Variants in WWC2 observed in about 807,000 individuals in gnomAD.
WWC2 encodes the protein WW and C2 domain containing 2, also known as protein WWC2.
A neutral mutation model predicts 138.5 loss-of-function variants in WWC2; 101 were observed. The ratio of observed to expected loss-of-function variants is 0.73; its 90% CI spans 0.62 to 0.86. The LOEUF is 0.86. Ranked by LOEUF, WWC2 falls within the 40% of genes least tolerant of loss-of-function variation. The pLI, the probability that WWC2 is intolerant of heterozygous loss-of-function variation, is 0.00. For missense variants in WWC2, 1,420 were observed against 1,419.4 expected (o/e 1.00, Z -0.01); for synonymous variants, 558 against 538.4 (o/e 1.04, Z -0.50).
At chr4:183,267,033 CT>C (rs879666630) in intron 14 of WWC2, among the ~76,000 whole-genome samples, 651 of 141,782 alleles carry the variant, frequency 4.6e-3, no homozygotes, top group African/African-American at 5.1e-3. Flanking sequence ...TAGTGGCTTT[CT>C]TTTTTTTTTT....
chr4:183,224,101 T>G (rs1050440052), intron 4 of WWC2, among the ~76,000 whole-genome samples: 7 of 152,222 alleles, frequency 4.6e-5, no homozygotes, highest in Admixed American at 1.3e-4. Context: ...AGGTCATTTG[T>G]AGAATTCCTC....
intron 15 of WWC2, among the ~76,000 whole-genome samples, chr4:183,270,288 G>C (rs946620032): frequency 2.0e-5 from 3 of 152,212 alleles, no homozygotes; most frequent in African/African-American, 7.2e-5. Flanking sequence ...TTGTCTATGT[G>C]TGATTTGGTG....
intron 4 of WWC2, among the ~76,000 whole-genome samples, chr4:183,215,013 G>A (rs1735716258): frequency 6.6e-6 from 1 of 152,170 alleles, no homozygotes; most frequent in Admixed American, 6.5e-5. Context: ...AAATGAATTT[G>A]TATTGTACAG....
chr4:183,293,172 C>T (rs1376933457), intron 21 of WWC2, among the ~76,000 whole-genome samples: 1 of 152,114 alleles, frequency 6.6e-6, no homozygotes, highest in Non-Finnish European at 1.5e-5. Context: ...CCAGACTGGT[C>T]TCAAACTCCT....
At chr4:183,171,139 A>G (rs1315376980) in intron 1 of WWC2, among the ~76,000 whole-genome samples, 4 of 152,202 alleles carry the variant, frequency 2.6e-5, no homozygotes, top group Non-Finnish European at 5.9e-5. Flanking sequence ...GCCTTAGATT[A>G]TAAACATTTC....
intron 1 of WWC2, among the ~76,000 whole-genome samples, chr4:183,105,365 C>T (rs377478732): frequency 5.2e-4 from 79 of 152,262 alleles, no homozygotes; most frequent in African/African-American, 1.8e-3. Context: ...CCCTGCATTG[C>T]CTTGTAAATG....
rs879882067 is a variant in WWC2, at chr4:183,213,677, G to A, written c.522+4652G>A. ...GTCAAATGGGATAACAGTACTTCCC[G>A]ATACCTTATTTTTATTTGTCAAAAT... On this transcript the variant is annotated intron_variant, in intron 4 of 22. Transcript: ENST00000403733. Among the ~76,000 whole-genome samples the A allele has an allele frequency of 1.6e-4, 25 of 152,184 alleles. No homozygotes were observed. In the Middle Eastern group the frequency reaches 0.01, roughly 62 times the overall value.
At chr4:183,253,678 C>A in intron 8 of WWC2, 79 bp from the exon 9 acceptor site, 1 of 1,531,586 alleles carries the variant, frequency 6.5e-7, no homozygotes. Context: ...CATGTCAACA[C>A]CAAATTTGGC....
chr4:183,269,165 T>C lies in WWC2; in HGVS notation c.2400+2T>C. ...AAACACCGAAGGGAAGAATGCCTGGTAGGATTCTTCATAATTCCCATTACC... is the reference window on the plus strand; with the variant it reads ...AAACACCGAAGGGAAGAATGCCTGGCAGGATTCTTCATAATTCCCATTACC... On this transcript the variant is annotated splice_donor_variant, in intron 15 of 22. Coordinates refer to ENST00000403733, the MANE Select transcript of WWC2 (RefSeq NM_024949.6). LOFTEE classifies it high-confidence loss of function. The C allele has an allele frequency of 6.2e-7, 1 of 1,603,568 alleles. No homozygotes were observed. The highest frequency in any genetic ancestry group is 8.5e-7 in the Non-Finnish European group (1 of 1,176,672).
intron 5 of WWC2, among the ~76,000 whole-genome samples, chr4:183,242,939 A>G (rs1736665976): frequency 1.3e-5 from 2 of 152,308 alleles, no homozygotes; most frequent in South Asian, 4.1e-4. Flanking sequence ...AAACAGTGAA[A>G]TAAAGGAAAA....
chr4:183,275,286 A>G (rs1285917778), intron 16 of WWC2, among the ~76,000 whole-genome samples: 2 of 151,916 alleles, frequency 1.3e-5, no homozygotes, highest in East Asian at 3.8e-4. Context: ...CTTTCCAGTC[A>G]TATGCCTTTT....
At chr4:183,256,318 T>C (rs749068411) in intron 9 of WWC2, among the ~76,000 whole-genome samples, 1 of 152,224 alleles carries the variant, frequency 6.6e-6, no homozygotes, top group Non-Finnish European at 1.5e-5. Context: ...GTAGTTCACA[T>C]GTCCAGAAGA....
chr4:183,139,410 A>G (rs1461491520), intron 1 of WWC2, among the ~76,000 whole-genome samples: 1 of 152,116 alleles, frequency 6.6e-6, no homozygotes, highest in African/African-American at 2.4e-5. Flanking sequence ...CCCTCATCCA[A>G]AACATGTCCA....
intron 1 of WWC2, among the ~76,000 whole-genome samples, chr4:183,158,342 A>T (rs1286080469): frequency 2.0e-5 from 3 of 151,502 alleles, no homozygotes; most frequent in Admixed American, 6.6e-5. Flanking sequence ...GGCTTAGACA[A>T]CAGAAATGTA....
intron 21 of WWC2, among the ~76,000 whole-genome samples, chr4:183,306,727 A>G (rs751842519): frequency 1.2e-4 from 18 of 152,150 alleles, no homozygotes; most frequent in Non-Finnish European, 1.6e-4. Context: ...GGGTTTTGCC[A>G]TGTTGGCCAG....
At position 183,319,337 on chromosome 4, in the gene WWC2, TA is replaced by T; in HGVS notation, c.*3610del. The T allele has an allele frequency of 1.9e-6, 1 of 516,018 alleles. No homozygotes were observed. Among genetic ancestry groups the T allele is most frequent in the Admixed American group, 3.6e-5 (1 of 27,630 alleles). 32.0% of individuals were successfully genotyped at this position (516,018 alleles called of 1,614,324 possible). The stretch of plus-strand genomic sequence containing the variant: ...TAAAATTGAGAAAACTCATCCACAG[TA>T]ATGGGTGTCATTACTATTCAGTCTT... On this transcript the variant is annotated 3_prime_UTR_variant, in exon 23 of 23. Transcript: ENST00000403733.
chr4:183,144,067 C>A (rs1035906969), intron 1 of WWC2, among the ~76,000 whole-genome samples: 1 of 152,168 alleles, frequency 6.6e-6, no homozygotes, highest in Non-Finnish European at 1.5e-5. Flanking sequence ...ATAAACTCTT[C>A]TGAGTATCTT....
At chr4:183,220,853 A>G (rs1735914977) in intron 4 of WWC2, among the ~76,000 whole-genome samples, 1 of 151,886 alleles carries the variant, frequency 6.6e-6, no homozygotes, top group South Asian at 2.1e-4. Context: ...AAAAAAAAAA[A>G]GGTAACACTT....
At chr4:183,263,142 T>C (rs1325116469) in intron 11 of WWC2, among the ~76,000 whole-genome samples, 1 of 152,224 alleles carries the variant, frequency 6.6e-6, no homozygotes, top group Non-Finnish European at 1.5e-5. Context: ...AATGGAATGT[T>C]CTGTGCCAGC....
Sources: gnomAD v4.1 joint callset for allele counts (sites outside exome capture counted in the v4.1 genomes callset) on GRCh38, gnomAD v4.1.1 for gene constraint, MANE v1.5 for transcripts, NCBI Gene and HGNC (gene_info 2026-07-23, HGNC 2026-07-21) for gene names.